The following TG variants were observed in gnomAD, a reference collection of about 807,000 sequenced individuals.
TG encodes thyroid hormones.
A neutral mutation model predicts 324.7 loss-of-function variants in TG; 270 were observed. That is an observed-to-expected ratio of 0.83 (90% confidence interval 0.75 to 0.92). TG has a LOEUF of 0.92. Among genes scored for constraint, TG ranks in the 40% least tolerant of loss-of-function variants. The pLI is 0.00. For synonymous variants in TG, 1,401 were observed against 1,327.0 expected (o/e 1.06, Z -1.21); for missense variants, 3,591 against 3,456.4 (o/e 1.04, Z -0.98).
chr8:133,090,852 C>T (rs1298175140), intron 41 of TG, among the ~76,000 whole-genome samples: 2 of 152,160 alleles, frequency 1.3e-5, no homozygotes, highest in African/African-American at 4.8e-5. Flanking sequence ...GAGCTTTTTA[C>T]TTTGCTTTGG....
At chr8:133,085,086 A>G (rs1193624581) in intron 41 of TG, among the ~76,000 whole-genome samples, 1 of 152,238 alleles carries the variant, frequency 6.6e-6, no homozygotes, top group Non-Finnish European at 1.5e-5. Flanking sequence ...CCAGCTCCGC[A>G]TTACTTTTTG....
chr8:132,996,343 G>C (rs1167910332), intron 35 of TG, among the ~76,000 whole-genome samples: 1 of 152,114 alleles, frequency 6.6e-6, no homozygotes, highest in East Asian at 1.9e-4. Flanking sequence ...AGGTTTTGTA[G>C]TATGTGAATA....
At chr8:133,109,627 C>T (rs1206308012) in intron 43 of TG, among the ~76,000 whole-genome samples, 2 of 152,144 alleles carry the variant, frequency 1.3e-5, no homozygotes, top group African/African-American at 4.8e-5. Flanking sequence ...CTGTGTAAGA[C>T]AGCACTTAGC....
intron 8 of TG, among the ~76,000 whole-genome samples, chr8:132,883,424 G>A (rs1341052992): frequency 1.3e-5 from 2 of 152,080 alleles, no homozygotes; most frequent in African/African-American, 2.4e-5. Context: ...CTGAAGGAGA[G>A]GAGTAAGGAA....
At chr8:132,868,973 A>T (rs1839224287) in intron 2 of TG, among the ~76,000 whole-genome samples, 1 of 152,164 alleles carries the variant, frequency 6.6e-6, no homozygotes, top group South Asian at 2.1e-4. Flanking sequence ...CTGCTATCTT[A>T]TGTACACTCT....
At chr8:133,014,806 C>G (rs567141611) in intron 37 of TG, among the ~76,000 whole-genome samples, 1 of 152,202 alleles carries the variant, frequency 6.6e-6, no homozygotes, top group Non-Finnish European at 1.5e-5. Flanking sequence ...ATGCTTTGAT[C>G]GCTAGGTGAT....
At chr8:132,911,873 T>A (rs1819583167) in intron 19 of TG, among the ~76,000 whole-genome samples, 1 of 152,166 alleles carries the variant, frequency 6.6e-6, no homozygotes, top group Non-Finnish European at 1.5e-5. Flanking sequence ...GTCTCGTCTG[T>A]TTCTAATTGT....
chr8:133,119,926 G>C (rs551611602), intron 45 of TG, among the ~76,000 whole-genome samples: 1 of 152,350 alleles, frequency 6.6e-6, no homozygotes, highest in East Asian at 1.9e-4. Context: ...ATAAGTGGCA[G>C]GCCAGGATTC....
chr8:132,980,406 A>T (rs953419786), intron 34 of TG, among the ~76,000 whole-genome samples: 1 of 152,100 alleles, frequency 6.6e-6, no homozygotes, highest in South Asian at 2.1e-4. Flanking sequence ...GAGTTGGTGA[A>T]CACACAGAGG....
At chr8:133,038,788 A>G (rs1837579217) in intron 41 of TG, 3 of 1,292,228 alleles carry the variant, frequency 2.3e-6, no homozygotes, top group Non-Finnish European at 2.2e-6. Context: ...AGAGAGTCAT[A>G]GAGAGAGGAG....
At position 132,936,779 on chromosome 8, in the gene TG, G is replaced by C. The variant is rs147362935; in HGVS notation, c.5041+915G>C. On this transcript the variant is annotated intron_variant, in intron 25 of 47. Transcript: ENST00000220616. ...GGTGGAAAGGAAACATGCCAGCAAGGCACGCTCTGAGCCATGCGCTCTGGG... is the reference window on the plus strand; with the variant it reads ...GGTGGAAAGGAAACATGCCAGCAAGCCACGCTCTGAGCCATGCGCTCTGGG... Among the ~76,000 whole-genome samples the C allele has an allele frequency of 4.7e-3, 718 of 152,308 alleles. 2 individuals carry two copies. Among genetic ancestry groups the C allele is most frequent in the Middle Eastern group, 0.01 (3 of 294 alleles).
intron 41 of TG, among the ~76,000 whole-genome samples, chr8:133,062,208 C>A (rs983074271): frequency 2.6e-5 from 4 of 152,192 alleles, no homozygotes; most frequent in Admixed American, 1.3e-4. Flanking sequence ...ATGCTTGCCC[C>A]TACCCTCCTC....
At chr8:133,054,862 T>C (rs1841080100) in intron 41 of TG, among the ~76,000 whole-genome samples, 1 of 152,208 alleles carries the variant, frequency 6.6e-6, no homozygotes, top group Non-Finnish European at 1.5e-5. Flanking sequence ...GGCCCTTTTG[T>C]AAACTGTCAT....
rs756585904 is a variant in TG at position 132,972,683 on chromosome 8, C to A, written c.6141C>A (p.Asp2047Glu). The A allele has an allele frequency of 1.2e-6, 2 of 1,612,862 alleles. No homozygotes were observed. Among genetic ancestry groups the A allele is most frequent in the South Asian group, 2.2e-5 (2 of 91,064 alleles). The change falls in exon 34 of 48, where the codon GAC becomes GAA. Residue 2047 changes from aspartate (D) to glutamate (E), a missense_variant. Transcript: ENST00000220616. ...EENGGAWRIL[D>E]CGSPDIEVHT... The stretch of plus-strand genomic sequence containing the variant: ...ATGGAGGAGCCTGGCGCATTTTGGA[C>A]TGTGGCTCTCCTGACATTGAAGTCC...
chr8:132,916,130 G>A (rs569252206), intron 20 of TG, among the ~76,000 whole-genome samples: 18 of 152,282 alleles, frequency 1.2e-4, no homozygotes, highest in African/African-American at 2.4e-4. Context: ...ACCCGGGTTC[G>A]AGTCCTAGCT....
chr8:133,060,397 CAG>C, intron 41 of TG: 2 of 1,513,424 alleles, frequency 1.3e-6, no homozygotes, highest in Non-Finnish European at 1.8e-6. Context: ...AAGGGAATGA[CAG>C]AAAAACCACA....
chr8:132,923,350 G>A lies in TG; in HGVS notation c.4541G>A (p.Cys1514Tyr). 1 of 1,614,132 alleles carries A rather than the reference G, an allele frequency of 6.2e-7. No individual in the cohort carries two copies. The highest frequency in any genetic ancestry group is 8.5e-7 in the Non-Finnish European group (1 of 1,180,034). The change falls in exon 22 of 48, where the codon TGT becomes TAT. Residue 1514 changes from cysteine to tyrosine, a missense_variant. Physicochemically the swap from Cys to Tyr is radical, Grantham distance 194. Transcript: ENST00000220616. ...AFSQTHCVTDCQRNEAGLQCD... is the reference protein window; with the variant it reads ...AFSQTHCVTDYQRNEAGLQCD... ...CTATTGGTTCTAGGTGTCACTGACT[G>A]TCAGAGGAACGAAGCAGGCCTGCAA...
chr8:132,896,497 C>T (rs1027599348), intron 11 of TG, among the ~76,000 whole-genome samples: 16 of 152,206 alleles, frequency 1.1e-4, no homozygotes, highest in South Asian at 1.0e-3. Context: ...CAGATATTCC[C>T]GTTCTCCCTC....
intron 43 of TG, among the ~76,000 whole-genome samples, chr8:133,103,641 C>G (rs1588109265): frequency 6.6e-6 from 1 of 152,226 alleles, no homozygotes; most frequent in East Asian, 1.9e-4. Context: ...AAAGAAAAGA[C>G]TTTTGTGAGT....
Sources: gnomAD v4.1 joint callset for allele counts (sites outside exome capture counted in the v4.1 genomes callset) on GRCh38, gnomAD v4.1.1 for gene constraint, MANE v1.5 for transcripts, NCBI Gene and HGNC (gene_info 2026-07-23, HGNC 2026-07-21) for gene names.